TBC1D19: variants seen among roughly 807,000 people sequenced by gnomAD.
TBC1D19 encodes TBC1 domain family member 19.
TBC1D19 carries 60 observed loss-of-function variants against 89.0 expected under a neutral mutation model. The observed-to-expected ratio is 0.67, with a 90% CI of 0.55 to 0.84. The LOEUF (loss-of-function observed/expected upper bound fraction) is 0.84. Among genes scored for constraint, TBC1D19 ranks in the 40% least tolerant of loss-of-function variants. TBC1D19 has a pLI of 0.00. For missense variants in TBC1D19, 500 were observed against 610.8 expected, an observed-to-expected ratio of 0.82 and a Z score of 1.91; for synonymous variants, 189 against 199.7, an observed-to-expected ratio of 0.95 and a Z score of 0.45.
At chr4:26,834,719 C>T in the TBC1D19 span, among the ~76,000 whole-genome samples, 1 of 152,154 alleles carries the variant, frequency 6.6e-6, no homozygotes, top group Non-Finnish European at 1.5e-5. Flanking sequence ...GGATTCTCTC[C>T]TCATCCATTG....
chr4:26,714,201 T>C (rs1716402441), intron 13 of TBC1D19, among the ~76,000 whole-genome samples: 1 of 152,048 alleles, frequency 6.6e-6, no homozygotes, highest in South Asian at 2.1e-4. Context: ...TTAAAAAGAA[T>C]GAGGCAGCTC....
At chr4:26,669,383 A>G (rs1252036547) in intron 9 of TBC1D19, among the ~76,000 whole-genome samples, 1 of 151,758 alleles carries the variant, frequency 6.6e-6, no homozygotes, top group Admixed American at 6.6e-5. Context: ...TAACTAAATT[A>G]TTTTAGCTTT....
At chr4:26,631,566 A>G (rs1270547989) in intron 4 of TBC1D19, among the ~76,000 whole-genome samples, 2 of 152,122 alleles carry the variant, frequency 1.3e-5, no homozygotes, top group Admixed American at 6.6e-5. Context: ...TGAATTGGAC[A>G]TACTCTTTTC....
intron 13 of TBC1D19, among the ~76,000 whole-genome samples, chr4:26,698,030 G>A (rs1714965520): frequency 6.6e-6 from 1 of 152,034 alleles, no homozygotes; most frequent in Non-Finnish European, 1.5e-5. Context: ...GGCAGGAGAA[G>A]GAAATAAAGG....
intron 7 of TBC1D19, among the ~76,000 whole-genome samples, chr4:26,653,335 G>A (rs1227295411): frequency 6.6e-6 from 1 of 152,170 alleles, no homozygotes; most frequent in African/African-American, 2.4e-5. Context: ...TGAGAAGAAT[G>A]TATATTCTGT....
At chr4:26,826,414 G>A in the TBC1D19 span, among the ~76,000 whole-genome samples, 3 of 152,262 alleles carry the variant, frequency 2.0e-5, no homozygotes, top group East Asian at 5.8e-4. Flanking sequence ...ATTTATATTT[G>A]TGCCCTTACT....
chr4:26,792,515 G>A, the TBC1D19 span, among the ~76,000 whole-genome samples: 9 of 152,172 alleles, frequency 5.9e-5, no homozygotes, highest in South Asian at 2.1e-4. Flanking sequence ...AGCTGGAGGC[G>A]AATATGGGGT....
At chr4:26,684,225 A>G (rs896332885) in intron 12 of TBC1D19, among the ~76,000 whole-genome samples, 1 of 152,220 alleles carries the variant, frequency 6.6e-6, no homozygotes, top group Non-Finnish European at 1.5e-5. Context: ...TTTTGCCTCC[A>G]AGCATCTGAT....
intron 16 of TBC1D19, 45 bp downstream of exon 16, chr4:26,735,532 AT>A: frequency 6.9e-7 from 1 of 1,456,238 alleles, no homozygotes. Context: ...AAAACATACA[AT>A]GTTATCTGTC....
intron 15 of TBC1D19, among the ~76,000 whole-genome samples, chr4:26,729,096 G>T (rs968070797): frequency 2.6e-5 from 4 of 152,036 alleles, no homozygotes; most frequent in African/African-American, 9.7e-5. Context: ...AATTTTTTTC[G>T]CATTTCCTCT....
chr4:26,696,180 G>A (rs182435481), intron 13 of TBC1D19, among the ~76,000 whole-genome samples: 17 of 151,932 alleles, frequency 1.1e-4, no homozygotes, highest in Non-Finnish European at 2.2e-4. Context: ...CAAGCAAATG[G>A]ACAACAAAAA....
In TBC1D19 at chr4:26,664,628, C is replaced by G. The variant is rs1673694489; in HGVS notation, c.592-1705C>G. Among the ~76,000 whole-genome samples the G allele has an allele frequency of 1.5e-5, 2 of 136,224 alleles. 1 individual carries two copies. The highest frequency in any genetic ancestry group is 4.7e-4 in the South Asian group (2 of 4,232). 89.4% of individuals were successfully genotyped at this position (136,224 alleles called of 152,430 possible). On this transcript the variant is annotated intron_variant, in intron 8 of 20. Coordinates refer to ENST00000264866, the MANE Select transcript of TBC1D19 (RefSeq NM_018317.4). ...GAAATTGGTAACATAAGATGCAGTA[C>G]TTTTTTTTTTTTTTTTGCAGTTGCA...
chr4:26,619,970 C>T (rs189141218), intron 3 of TBC1D19, among the ~76,000 whole-genome samples: 125 of 152,286 alleles, frequency 8.2e-4, no homozygotes, highest in African/African-American at 3.0e-3. Flanking sequence ...TGACTAATTT[C>T]AAGAGGAGTT....
At chr4:26,794,455 TA>T in the TBC1D19 span, among the ~76,000 whole-genome samples, 2 of 151,890 alleles carry the variant, frequency 1.3e-5, no homozygotes, top group Admixed American at 6.6e-5. Flanking sequence ...CATGTAAGTT[TA>T]AAAATAAAAA....
the TBC1D19 span, among the ~76,000 whole-genome samples, chr4:26,781,642 T>C: frequency 2.6e-5 from 4 of 152,204 alleles, no homozygotes; most frequent in South Asian, 6.2e-4. Flanking sequence ...CTGAGGATAA[T>C]GGTATTTTTA....
At chr4:26,709,049 G>T (rs1715959052) in intron 13 of TBC1D19, among the ~76,000 whole-genome samples, 1 of 150,684 alleles carries the variant, frequency 6.6e-6, no homozygotes, top group South Asian at 2.1e-4. Flanking sequence ...TGATCTTGTT[G>T]TTGTTGTTGA....
the TBC1D19 span, among the ~76,000 whole-genome samples, chr4:26,829,457 G>A: frequency 1.8e-3 from 271 of 152,302 alleles, 3 homozygotes; most frequent in Non-Finnish European, 3.4e-3. Flanking sequence ...AACTGGCTAA[G>A]CTCAAATCAA....
At chr4:26,700,500 G>A (rs75369885) in intron 13 of TBC1D19, among the ~76,000 whole-genome samples, 2,294 of 152,158 alleles carry the variant, frequency 0.015, 55 homozygotes, top group African/African-American at 0.051. Context: ...TCATTAAGCT[G>A]AGAGTTTAGA....
the TBC1D19 span, among the ~76,000 whole-genome samples, chr4:26,771,667 G>A: frequency 6.6e-6 from 1 of 152,086 alleles, no homozygotes; most frequent in African/African-American, 2.4e-5. Flanking sequence ...AGGGTGAAAT[G>A]AAGAGTCGTT....
Sources: allele counts gnomAD v4.1 joint callset (sites outside exome capture counted in the v4.1 genomes callset), GRCh38; gene constraint gnomAD v4.1.1; transcripts MANE v1.5; gene names NCBI Gene and HGNC (gene_info 2026-07-23, HGNC 2026-07-21).